Variants in TRPC7 observed in about 807,000 individuals in gnomAD.
TRPC7 encodes short transient receptor potential channel 7.
In TRPC7, 42 loss-of-function variants were observed where a neutral mutation model predicts 90.1. That is an observed-to-expected ratio of 0.47 (90% CI 0.36 to 0.60). The LOEUF is 0.60. Among genes scored for constraint, TRPC7 ranks in the 20% least tolerant of loss-of-function variants. The probability of loss-of-function intolerance (pLI) is 0.00; values close to 1 mark genes in which losing one functional copy is unlikely to be tolerated. For missense variants in TRPC7, 955 were observed against 1,112.3 expected (o/e 0.86, Z 2.01); for synonymous variants, 451 against 436.3 (o/e 1.03, Z -0.42).
rs192301533 is a variant in TRPC7, at chr5:136,238,689, T to C, written c.1845-7140A>G. Among the ~76,000 whole-genome samples the C allele has an allele frequency of 3.1e-3, 473 of 152,324 alleles. 3 individuals are homozygous for C. The highest frequency in any genetic ancestry group is 0.011 in the African/African-American group (455 of 41,580). On this transcript the variant is annotated intron_variant, in intron 7 of 11. Transcript: ENST00000513104. ...CTGGGCAGTGCTTGAGAGGGTGCCG[T>C]GAAGCCAGCATCCTCAGGAGCACAT...
At chr5:136,258,788 C>CA (rs1444591281) in intron 5 of TRPC7, among the ~76,000 whole-genome samples, 1 of 152,200 alleles carries the variant, frequency 6.6e-6, no homozygotes, top group Non-Finnish European at 1.5e-5. Flanking sequence ...TATGTACATT[C>CA]TTTAAATGGT....
intron 2 of TRPC7, among the ~76,000 whole-genome samples, chr5:136,335,726 A>AC (rs1349886029): frequency 9.2e-5 from 14 of 151,676 alleles, no homozygotes; most frequent in African/African-American, 2.4e-4. Flanking sequence ...ACACAGTGAA[A>AC]CCCCATCTCT....
chr5:136,289,314 T>G (rs1757846471), intron 3 of TRPC7, among the ~76,000 whole-genome samples: 1 of 152,116 alleles, frequency 6.6e-6, no homozygotes, highest in Non-Finnish European at 1.5e-5. Flanking sequence ...GTGGGTGCAG[T>G]GCACCATGCG....
intron 4 of TRPC7, among the ~76,000 whole-genome samples, chr5:136,273,773 A>G (rs1757275542): frequency 6.6e-6 from 1 of 152,184 alleles, no homozygotes; most frequent in Non-Finnish European, 1.5e-5. Context: ...TAAATGTATC[A>G]CTAGGTAAAT....
chr5:136,266,299 T>C lies in TRPC7; in HGVS notation c.1266A>G (p.Thr422=), dbSNP rs2149812202. 1 of 1,613,978 alleles carries C rather than the reference T, an allele frequency of 6.2e-7. No homozygotes were observed. Among genetic ancestry groups the C allele is most frequent in the Non-Finnish European group, 8.5e-7 (1 of 1,179,840 alleles). ...CTCTGAAGATTTGTTTTGGGTAGTCTGTGAAGGTTTCGTTTGGCAGGGTTT... is the reference window on the plus strand; with the variant it reads ...CTCTGAAGATTTGTTTTGGGTAGTCCGTGAAGGTTTCGTTTGGCAGGGTTT... ...GVKTLPNETF[T]DYPKQIFRVK... is the part of the protein sequence containing the mutation. Residue 422 remains threonine, a synonymous_variant, in exon 5 of 12, where the codon ACA becomes ACG. Transcript: ENST00000513104.
At chr5:136,255,176 C>T (rs1213926471) in intron 5 of TRPC7, among the ~76,000 whole-genome samples, 1 of 152,160 alleles carries the variant, frequency 6.6e-6, no homozygotes, top group Non-Finnish European at 1.5e-5. Flanking sequence ...ACTTAGTTGA[C>T]AAAGCAGCAG....
chr5:136,361,530 G>A (rs1760569349), intron 1 of TRPC7, among the ~76,000 whole-genome samples: 1 of 152,236 alleles, frequency 6.6e-6, no homozygotes, highest in African/African-American at 2.4e-5. Context: ...TCCAGCTGCA[G>A]ATGAGCATGG....
chr5:136,242,672 T>G, intron 7 of TRPC7, among the ~76,000 whole-genome samples: 1 of 152,194 alleles, frequency 6.6e-6, no homozygotes, highest in East Asian at 1.9e-4. Context: ...TCCCTATTGG[T>G]GCAATGATGA....
chr5:136,260,205 CAG>C (rs888057258), intron 5 of TRPC7, among the ~76,000 whole-genome samples: 5 of 152,210 alleles, frequency 3.3e-5, no homozygotes, highest in Admixed American at 6.5e-5. Context: ...TACAGTTAAA[CAG>C]AAGATGAAAG....
intron 11 of TRPC7, among the ~76,000 whole-genome samples, chr5:136,215,915 G>A (rs1170989078): frequency 6.6e-6 from 1 of 152,132 alleles, no homozygotes; most frequent in Non-Finnish European, 1.5e-5. Flanking sequence ...TGGAGTGTGA[G>A]GGTGCCTGAT....
At chr5:136,350,417 C>T (rs1307172091) in intron 2 of TRPC7, among the ~76,000 whole-genome samples, 2 of 152,136 alleles carry the variant, frequency 1.3e-5, no homozygotes, top group Non-Finnish European at 2.9e-5. Context: ...ATACAGTCTC[C>T]CTGTACCTTG....
chr5:136,280,459 A>T (rs1382526538), intron 3 of TRPC7, among the ~76,000 whole-genome samples: 2 of 152,204 alleles, frequency 1.3e-5, no homozygotes, highest in African/African-American at 4.8e-5. Flanking sequence ...AGTGATTGAT[A>T]AACTGAGGGT....
intron 2 of TRPC7, among the ~76,000 whole-genome samples, chr5:136,348,216 G>A (rs1174613186): frequency 6.6e-5 from 10 of 152,138 alleles, no homozygotes; most frequent in Non-Finnish European, 1.3e-4. Flanking sequence ...CTTCTTACAC[G>A]GCCACTAATG....
chr5:136,288,711 C>A (rs1200306630), intron 3 of TRPC7, among the ~76,000 whole-genome samples: 1 of 152,192 alleles, frequency 6.6e-6, no homozygotes, highest in Non-Finnish European at 1.5e-5. Flanking sequence ...AACACACAGC[C>A]TTTGCTTGTC....
intron 1 of TRPC7, among the ~76,000 whole-genome samples, chr5:136,361,436 A>C (rs1006791261): frequency 6.6e-6 from 1 of 152,142 alleles, no homozygotes; most frequent in Non-Finnish European, 1.5e-5. Context: ...TATTTTTATC[A>C]AGCTGCTCTT....
chr5:136,261,947 C>T (rs958565656), intron 5 of TRPC7, among the ~76,000 whole-genome samples: 1 of 152,168 alleles, frequency 6.6e-6, no homozygotes, highest in African/African-American at 2.4e-5. Flanking sequence ...GGGTCTTTCC[C>T]ATCTTAGTAA....
chr5:136,256,425 T>TC (rs934500635), intron 5 of TRPC7, among the ~76,000 whole-genome samples: 17 of 152,254 alleles, frequency 1.1e-4, no homozygotes, highest in Middle Eastern at 6.8e-3. Flanking sequence ...AAAGCTGAAT[T>TC]CCCCCCATAG....
chr5:136,280,955 G>C (rs1467901109), intron 3 of TRPC7, among the ~76,000 whole-genome samples: 1 of 152,124 alleles, frequency 6.6e-6, no homozygotes, highest in African/African-American at 2.4e-5. Context: ...TCACAAAAGT[G>C]ATTATGACGA....
intron 1 of TRPC7, among the ~76,000 whole-genome samples, chr5:136,359,626 C>G (rs2149863692): frequency 6.6e-6 from 1 of 152,244 alleles, no homozygotes; most frequent in East Asian, 1.9e-4. Context: ...GAGAAAGATT[C>G]ACAAATAGTG....
Sources: gnomAD v4.1 joint callset for allele counts (sites outside exome capture counted in the v4.1 genomes callset) on GRCh38, gnomAD v4.1.1 for gene constraint, MANE v1.5 for transcripts, NCBI Gene and HGNC (gene_info 2026-07-23, HGNC 2026-07-21) for gene names.